F11R: variants seen among roughly 807,000 people sequenced by gnomAD.
The protein encoded by F11R is junctional adhesion molecule A.
Under a neutral mutation model 39.3 loss-of-function variants are expected in F11R, and 27 were observed. That is an observed-to-expected ratio of 0.69 (90% CI 0.51 to 0.95). F11R has a LOEUF of 0.95. F11R is among the 40% of genes least tolerant of loss of function. F11R has a pLI of 0.00. For missense variants in F11R, 335 were observed against 372.7 expected (o/e 0.90, Z 0.83); for synonymous variants, 131 against 144.9 (o/e 0.90, Z 0.69).
chr1:161,002,956 GTT>G lies in F11R; in HGVS notation c.65-1605_65-1604del, dbSNP rs35780690. Among the ~76,000 whole-genome samples the G allele has an allele frequency of 1.2e-4, 16 of 132,458 alleles. No homozygotes were observed. The East Asian group carries it at 1.8e-3, about 15-fold the overall frequency. 86.9% of individuals were successfully genotyped at this position (132,458 alleles called of 152,430 possible). ...CTCTTATTATACTCTCTATTTATTT[GTT>G]TTTTTTTTTTTTGAGACGGAGTTTC... On this transcript the variant is annotated intron_variant, in intron 1 of 9. Coordinates refer to ENST00000368026, the MANE Select transcript of F11R (RefSeq NM_016946.6).
intron 7 of F11R, 72 bp downstream of exon 7, chr1:160,999,568 C>A: frequency 6.6e-7 from 1 of 1,517,674 alleles, no homozygotes; most frequent in South Asian, 1.1e-5. Context: ...AGGGTCAGTA[C>A]TCAGATGACA....
intron 1 of F11R, among the ~76,000 whole-genome samples, chr1:161,007,472 GAA>G (rs80350610): frequency 1.7e-5 from 2 of 120,082 alleles, no homozygotes; most frequent in Admixed American, 8.4e-5. Flanking sequence ...TCTCAGAAAA[GAA>G]AAAAAAAAAA....
intron 1 of F11R, among the ~76,000 whole-genome samples, chr1:161,015,855 G>A (rs1489198331): frequency 6.6e-6 from 1 of 152,006 alleles, no homozygotes; most frequent in Non-Finnish European, 1.5e-5. Context: ...GGGGTGAACA[G>A]GAGCAACATG....
chr1:161,000,497 C>A, intron 4 of F11R, 134 bp downstream of exon 4: 1 of 1,437,396 alleles, frequency 7.0e-7, no homozygotes, highest in Non-Finnish European at 9.6e-7. Flanking sequence ...GGCTCATCTC[C>A]CTCTCTGGCA....
In F11R at chr1:161,012,137, T is replaced by C. The variant is rs983599005; in HGVS notation, c.64+8873A>G. Among the ~76,000 whole-genome samples the C allele has an allele frequency of 5.6e-4, 85 of 152,250 alleles. 1 individual carries two copies. The highest frequency in any genetic ancestry group is 9.1e-4 in the African/African-American group (38 of 41,550). On this transcript the variant is annotated intron_variant, in intron 1 of 9. Coordinates refer to ENST00000368026, the MANE Select transcript of F11R (RefSeq NM_016946.6). ...TCGATGAACTGCACCAAAGCACTGC[T>C]GGGGTGAGAAGATGGTCACAGAAGG...
chr1:161,005,285 T>C (rs755371362), intron 1 of F11R, among the ~76,000 whole-genome samples: 1 of 151,286 alleles, frequency 6.6e-6, no homozygotes, highest in Admixed American at 6.6e-5. Flanking sequence ...CCTCCCTCCT[T>C]CCTCCTTCCC....
intron 3 of F11R, 109 bp from the exon 4 acceptor site, chr1:161,000,886 G>C (rs923804265): frequency 8.6e-6 from 13 of 1,513,624 alleles, no homozygotes; most frequent in Non-Finnish European, 1.1e-5. Context: ...CCCCAGAAAG[G>C]GGGGTAGGAA....
At position 161,014,417 on chromosome 1, in the gene F11R, A is replaced by T. The variant is rs576741872; in HGVS notation, c.64+6593T>A. Among the ~76,000 whole-genome samples the T allele has an allele frequency of 5.9e-5, 9 of 152,282 alleles. No homozygotes were observed. In the East Asian group the frequency reaches 1.5e-3, roughly 26 times the overall value. On this transcript the variant is annotated intron_variant, in intron 1 of 9. Coordinates refer to ENST00000368026, the MANE Select transcript of F11R (RefSeq NM_016946.6). ...GCCAAGGCCACAATCCCTAGAAACC[A>T]ATATGGGCCAGGTGTAGTGACTCAT...
At chr1:161,004,525 C>T (rs1325564655) in intron 1 of F11R, among the ~76,000 whole-genome samples, 3 of 149,660 alleles carry the variant, frequency 2.0e-5, no homozygotes, top group African/African-American at 7.3e-5. Context: ...CCAGCTTGGG[C>T]AACAAAGTGA....
chr1:161,018,158 T>A (rs1240917500), intron 1 of F11R, among the ~76,000 whole-genome samples: 1 of 152,176 alleles, frequency 6.6e-6, no homozygotes, highest in African/African-American at 2.4e-5. Flanking sequence ...GTCATCAGTT[T>A]TACTTTTCCC....
intron 1 of F11R, among the ~76,000 whole-genome samples, chr1:161,006,195 T>C (rs75798700): frequency 0.014 from 2,183 of 152,002 alleles, 50 homozygotes; most frequent in East Asian, 0.094. Flanking sequence ...GTCTGTGGGA[T>C]AGGCTGAGGC....
intron 9 of F11R, 66 bp from the exon 10 acceptor site, chr1:160,998,972 T>C: frequency 1.2e-6 from 2 of 1,613,424 alleles, no homozygotes; most frequent in East Asian, 2.2e-5. Context: ...CCAAAACACA[T>C]AAACATGGGC....
rs1341163333 is a variant in F11R, at chr1:160,998,405, C to G, written c.*466G>C. 1 of 193,288 alleles carries G rather than the reference C, an allele frequency of 5.2e-6. No homozygotes were observed. The highest frequency in any genetic ancestry group is 1.1e-5 in the Non-Finnish European group (1 of 93,298). 12.0% of individuals were successfully genotyped at this position (193,288 alleles called of 1,614,324 possible). ...GACCCCAGTGTCATCACCAAACAACCATTTCAGCCGCTCTAGCCTCTAATT... is the reference window on the plus strand; with the variant it reads ...GACCCCAGTGTCATCACCAAACAACGATTTCAGCCGCTCTAGCCTCTAATT... On this transcript the variant is annotated 3_prime_UTR_variant, in exon 10 of 10. Coordinates refer to ENST00000368026, the MANE Select transcript of F11R (RefSeq NM_016946.6).
At chr1:161,012,925 G>A (rs1037686775) in intron 1 of F11R, among the ~76,000 whole-genome samples, 1 of 152,044 alleles carries the variant, frequency 6.6e-6, no homozygotes, top group Non-Finnish European at 1.5e-5. Context: ...GCACCCGGCC[G>A]ATTTATTTAT....
intron 1 of F11R, 56 bp from the exon 2 acceptor site, chr1:161,001,409 A>G: frequency 6.7e-7 from 1 of 1,503,424 alleles, no homozygotes; most frequent in Non-Finnish European, 9.2e-7. Context: ...AATGCCAGGA[A>G]GAAGGAGTCA....
At chr1:161,011,729 C>CAA (rs200362096) in intron 1 of F11R, among the ~76,000 whole-genome samples, 6 of 116,316 alleles carry the variant, frequency 5.2e-5, no homozygotes, top group African/African-American at 1.7e-4. Context: ...GATTCCACCT[C>CAA]AAAAAAAAAA....
intron 1 of F11R, 53 bp from the exon 2 acceptor site, chr1:161,001,406 G>A: frequency 6.6e-7 from 1 of 1,513,854 alleles, no homozygotes; most frequent in African/African-American, 1.4e-5. Flanking sequence ...AGAAATGCCA[G>A]GAAGAAGGAG....
intron 1 of F11R, among the ~76,000 whole-genome samples, chr1:161,008,592 A>G (rs1281049326): frequency 6.6e-6 from 1 of 152,204 alleles, no homozygotes; most frequent in African/African-American, 2.4e-5. Flanking sequence ...GCACTGTTGT[A>G]AGCATATTAT....
rs1288551241 is a variant in F11R, at chr1:160,996,835, CT to C, written c.*2035del. ...TTACTGAACCATTTCATAAGCTCTA[CT>C]TTATTTGTCTAGTTGGATTTCATTT... On this transcript the variant is annotated 3_prime_UTR_variant, in exon 10 of 10. Transcript: ENST00000368026. 6.6e-6 allele frequency: 1 copy of C among 152,236 alleles called. No individual in the cohort carries two copies. The highest frequency in any genetic ancestry group is 2.4e-5 in the African/African-American group (1 of 41,424). 9.4% of individuals were successfully genotyped at this position (152,236 alleles called of 1,614,324 possible). A position where few individuals can be genotyped will look rare whatever the true frequency, so the allele number is the denominator to read the frequency against.
Sources: allele counts gnomAD v4.1 joint callset (sites outside exome capture counted in the v4.1 genomes callset), GRCh38; gene constraint gnomAD v4.1.1; transcripts MANE v1.5; gene names NCBI Gene and HGNC (gene_info 2026-07-23, HGNC 2026-07-21).